Variants in RAD54L observed in about 807,000 individuals in gnomAD.
RAD54L encodes RAD54 like.
A neutral mutation model predicts 91.6 loss-of-function variants in RAD54L; 74 were observed. That is an observed-to-expected ratio of 0.81 (90% confidence interval 0.67 to 0.98). RAD54L has a LOEUF of 0.98. RAD54L is among the 50% of genes least tolerant of loss of function. The pLI, the probability that RAD54L is intolerant of heterozygous loss-of-function variation, is 0.00. For missense variants in RAD54L, 887 were observed against 945.7 expected (o/e 0.94, Z 0.81); for synonymous variants, 304 against 349.7 (o/e 0.87, Z 1.46).
intron 4 of RAD54L, 61 bp downstream of exon 4, chr1:46,258,807 A>T: frequency 7.7e-7 from 1 of 1,306,020 alleles, no homozygotes; most frequent in Non-Finnish European, 1.1e-6. Flanking sequence ...TGAATAAATT[A>T]AAAACCTGCT....
At chr1:46,260,197 T>C in intron 5 of RAD54L, 98 bp downstream of exon 5, 2 of 1,544,494 alleles carry the variant, frequency 1.3e-6, no homozygotes, top group East Asian at 2.2e-5. Flanking sequence ...CTTTTTAGGA[T>C]TGACATATGT....
chr1:46,251,617 A>G (rs1659800864), intron 3 of RAD54L, among the ~76,000 whole-genome samples: 1 of 152,150 alleles, frequency 6.6e-6, no homozygotes, highest in South Asian at 2.1e-4. Context: ...ACTTTAAAAA[A>G]TGGTGTTGGG....
In RAD54L at chr1:46,260,975, C is replaced by T. The variant is rs1660100556; in HGVS notation, c.726C>T (p.Ala242=). ...KWLGGRIQPL[A]IDGGSKDEID... is the part of the protein sequence containing the mutation. ...TCGGAGGGAGGATCCAACCTCTGGC[C>T]ATCGATGGAGGATCTAAGGATGAAA... Residue 242 remains alanine, a synonymous_variant, in exon 7 of 18, where the codon GCC becomes GCT. Coordinates refer to ENST00000371975, the MANE Select transcript of RAD54L (RefSeq NM_003579.4). 6.2e-7 allele frequency: 1 copy of T among 1,614,050 alleles called. No individual in the cohort carries two copies. Among genetic ancestry groups the T allele is most frequent in the Non-Finnish European group, 8.5e-7 (1 of 1,180,034 alleles).
At chr1:46,273,599 G>C in intron 13 of RAD54L, 25 bp from the exon 14 acceptor site, 5 of 1,612,906 alleles carry the variant, frequency 3.1e-6, no homozygotes, top group Non-Finnish European at 4.2e-6. Context: ...GCCAGTAGGG[G>C]ACTGCTGGTT....
At chr1:46,267,359 C>A (rs935011447) in intron 8 of RAD54L, 100 bp from the exon 9 acceptor site, 2 of 1,531,978 alleles carry the variant, frequency 1.3e-6, no homozygotes, top group Non-Finnish European at 1.8e-6. Context: ...CCACGGCGCC[C>A]GGCCTGGAAT....
chr1:46,274,698 A>G lies in RAD54L; in HGVS notation c.1850A>G (p.Tyr617Cys), dbSNP rs745383218. Reference protein sequence around the residue: ...VWRDGQKKTCYIYRLLSAGTI... With the variant: ...VWRDGQKKTCCIYRLLSAGTI... Reference sequence around the variant, plus strand: ...CGAGATGGTCAAAAGAAGACTTGCTATATCTACCGCCTGCTGTCTGTAAGG... The same window carrying G: ...CGAGATGGTCAAAAGAAGACTTGCTGTATCTACCGCCTGCTGTCTGTAAGG... Residue 617 changes from tyrosine to cysteine, a missense_variant, in exon 16 of 18, where the codon TAT becomes TGT. Transcript: ENST00000371975. The G allele has an allele frequency of 5.6e-6, 9 of 1,613,978 alleles. No individual in the cohort carries two copies. Among genetic ancestry groups the G allele is most frequent in the Middle Eastern group, 1.7e-4 (1 of 6,048 alleles).
Position 46,247,829 on chromosome 1 carries a change from G to T in RAD54L, c.-577G>T. ...GCTGGGGTCTGCGTCTATCTCTGTCGCTCTTTTCAGCCCCTCCTGGTATTC... is the reference window on the plus strand; with the variant it reads ...GCTGGGGTCTGCGTCTATCTCTGTCTCTCTTTTCAGCCCCTCCTGGTATTC... On this transcript the variant is annotated 5_prime_UTR_variant, in exon 1 of 18. Coordinates refer to ENST00000371975, the MANE Select transcript of RAD54L (RefSeq NM_003579.4). 2 of 198,508 alleles carry T rather than the reference G, an allele frequency of 1.0e-5. No homozygotes were observed. Among genetic ancestry groups the T allele is most frequent in the South Asian group, 1.7e-4 (2 of 12,086 alleles). 12.3% of individuals were successfully genotyped at this position (198,508 alleles called of 1,614,324 possible).
intron 3 of RAD54L, among the ~76,000 whole-genome samples, chr1:46,254,004 T>C (rs376950942): frequency 3.9e-5 from 6 of 152,108 alleles, no homozygotes; most frequent in African/African-American, 1.4e-4. Flanking sequence ...ATAGGGAGTC[T>C]TGCTCTGTCG....
chr1:46,278,055 G>GTGCCT lies in RAD54L; in HGVS notation c.2034-15_2034-11dup, dbSNP rs1660670954. 6.2e-7 allele frequency: 1 copy of GTGCCT among 1,614,136 alleles called. No homozygotes were observed. Among genetic ancestry groups the GTGCCT allele is most frequent in the East Asian group, 2.2e-5 (1 of 44,890 alleles). On this transcript the variant is annotated splice_polypyrimidine_tract_variant and intron_variant, in intron 17 of 17. Transcript: ENST00000371975. Reference sequence around the variant, plus strand: ...GATGGGATCTGTAGTGACTTCAGCTGTGCCTTCTGTCCCTAGGTTGCACTG... The same window carrying GTGCCT: ...GATGGGATCTGTAGTGACTTCAGCTGTGCCTTGCCTTCTGTCCCTAGGTTGCACTG...
rs1190394126 is a variant in RAD54L, at chr1:46,267,569, G to A, written c.1002G>A (p.Glu334=). The A allele has an allele frequency of 6.2e-7, 1 of 1,613,486 alleles. No homozygotes were observed. The highest frequency in any genetic ancestry group is 8.5e-7 in the Non-Finnish European group (1 of 1,179,478). ...CTCCCATCCAGAATGATCTGCTTGAGTATTTCAGCTTGGTACATTTTGTTA... is the reference window on the plus strand; with the variant it reads ...CTCCCATCCAGAATGATCTGCTTGAATATTTCAGCTTGGTACATTTTGTTA... ...SGTPIQNDLL[E]YFSLVHFVNS... The change falls in exon 9 of 18, where the codon GAG becomes GAA. Residue 334 remains glutamate, a synonymous_variant. Coordinates refer to ENST00000371975, the MANE Select transcript of RAD54L (RefSeq NM_003579.4).
At position 46,259,997 on chromosome 1, in the gene RAD54L, G is replaced by C. The variant is rs765591007; in HGVS notation, c.305G>C (p.Arg102Thr). Residue 102 changes from arginine to threonine, a missense_variant, in exon 5 of 18, where the codon AGG becomes ACG. Transcript: ENST00000371975. ...GGCTCTCGAGCATTGGGCCTGAAAA[G>C]GGCTGGGGTCCGCCGGGCCCTCCAT... is the stretch of plus-strand genomic sequence containing the variant. ...PLGSRALGLK[R>T]AGVRRALHDP... is the part of the protein sequence containing the mutation. The C allele has an allele frequency of 1.2e-6, 2 of 1,614,150 alleles. No homozygotes were observed. The highest frequency in any genetic ancestry group is 1.1e-5 in the South Asian group (1 of 91,074).
intron 16 of RAD54L, among the ~76,000 whole-genome samples, chr1:46,275,718 A>C (rs1404640291): frequency 6.6e-6 from 1 of 152,176 alleles, no homozygotes; most frequent in Non-Finnish European, 1.5e-5. Flanking sequence ...CTACTCACTC[A>C]TCAGACTCCT....
intron 14 of RAD54L, 33 bp from the exon 15 acceptor site, chr1:46,274,105 C>A: frequency 6.4e-7 from 1 of 1,571,684 alleles, no homozygotes; most frequent in Non-Finnish European, 8.8e-7. Context: ...ATCATTGAAG[C>A]TTTATTTTCT....
rs769424154 is a variant in RAD54L, at chr1:46,274,233, G to A, written c.1689+17G>A. 1.3e-5 allele frequency: 21 copies of A among 1,594,052 alleles called. No individual in the cohort carries two copies. The highest frequency in any genetic ancestry group is 2.2e-5 in the East Asian group (1 of 44,754). ...AGTCCATCGGTAAATGCACATCCCCGTCCCCACACCACCAATGCAGTATCA... is the reference window on the plus strand; with the variant it reads ...AGTCCATCGGTAAATGCACATCCCCATCCCCACACCACCAATGCAGTATCA... On this transcript the variant is annotated intron_variant, in intron 15 of 17. Transcript: ENST00000371975.
rs1170446606 is a variant in RAD54L at position 46,259,940 on chromosome 1, G to A, written c.272-24G>A. ...GGAGCTCCTAAACATAGATTCAGGT[G>A]ACGGAATGATTATTGGTTTGTAGGT... On this transcript the variant is annotated intron_variant, in intron 4 of 17. Transcript: ENST00000371975. 1.9e-6 allele frequency: 3 copies of A among 1,613,996 alleles called. No individual in the cohort carries two copies. In the African/African-American group the frequency reaches 4.0e-5, roughly 22 times the overall value.
rs1162693010 is a variant in RAD54L at position 46,272,025 on chromosome 1, C to CTTTTTTTTTTTT, written c.1170-418_1170-407dup. Among the ~76,000 whole-genome samples the CTTTTTTTTTTTT allele has an allele frequency of 5.8e-3, 237 of 41,160 alleles. 58 individuals are homozygous for CTTTTTTTTTTTT. The highest frequency in any genetic ancestry group is 7.0e-3 in the Non-Finnish European group (174 of 24,890). 27.0% of individuals were successfully genotyped at this position (41,160 alleles called of 152,430 possible). On this transcript the variant is annotated intron_variant, in intron 10 of 17. Coordinates refer to ENST00000371975, the MANE Select transcript of RAD54L (RefSeq NM_003579.4). ...GATGTGTTTGACATAGGTCTGATGA[C>CTTTTTTTTTTTT]TTTTTTTTTTTTTTTTTTTTTTTTT...
chr1:46,273,115 C>G (rs1193802479), intron 12 of RAD54L, among the ~76,000 whole-genome samples: 1 of 152,146 alleles, frequency 6.6e-6, no homozygotes, highest in Admixed American at 6.5e-5. Flanking sequence ...AACAAAGAAA[C>G]CTTGCCTGCT....
intron 16 of RAD54L, among the ~76,000 whole-genome samples, chr1:46,275,791 T>C (rs1660577200): frequency 6.6e-6 from 1 of 152,156 alleles, no homozygotes; most frequent in South Asian, 2.1e-4. Context: ...CAGGAGACTA[T>C]GAATTTTTCC....
chr1:46,269,003 G>A (rs1169826913), intron 9 of RAD54L, among the ~76,000 whole-genome samples: 1 of 152,002 alleles, frequency 6.6e-6, no homozygotes, highest in Non-Finnish European at 1.5e-5. Flanking sequence ...GGGTTCAAAT[G>A]ATTCTCTTGT....
Sources: allele counts gnomAD v4.1 joint callset (sites outside exome capture counted in the v4.1 genomes callset), GRCh38; gene constraint gnomAD v4.1.1; transcripts MANE v1.5; gene names NCBI Gene and HGNC (gene_info 2026-07-23, HGNC 2026-07-21).